Variants in MEGF6 observed in about 807,000 individuals in gnomAD.
MEGF6 encodes the protein multiple EGF like domains 6.
MEGF6 carries 184 observed loss-of-function variants against 207.1 expected under a neutral mutation model. The observed-to-expected ratio is 0.89, with a 90% confidence interval of 0.79 to 1.00. The LOEUF is 1.00. Ranked by LOEUF, MEGF6 falls within the 50% of genes least tolerant of loss-of-function variation. The pLI, the probability that MEGF6 is intolerant of heterozygous loss-of-function variation, is 0.00. For missense variants in MEGF6, 2,282 were observed against 2,202.9 expected, an observed-to-expected ratio of 1.04 and a Z score of -0.72; for synonymous variants, 1,038 against 910.0, an observed-to-expected ratio of 1.14 and a Z score of -2.53.
chr1:3,495,958 G>GC lies in MEGF6; in HGVS notation c.3802dup (p.Ala1268GlyfsTer22). 2 of 1,583,930 alleles carry GC rather than the reference G, an allele frequency of 1.3e-6. No individual in the cohort carries two copies. Among genetic ancestry groups the GC allele is most frequent in the Non-Finnish European group, 1.7e-6 (2 of 1,172,596 alleles). ...GGTGCCGGTCACAGGGTCGCAGGCCGCCCCCTGCCCACACCCACACACGTG... is the reference window on the plus strand; with the variant it reads ...GGTGCCGGTCACAGGGTCGCAGGCCGCCCCCCTGCCCACACCCACACACGTG... On this transcript the variant is annotated frameshift_variant, in exon 30 of 37. Transcript: ENST00000356575. LOFTEE classifies it high-confidence loss of function.
chr1:3,519,346 C>G (rs1641656713), intron 5 of MEGF6, among the ~76,000 whole-genome samples: 1 of 152,254 alleles, frequency 6.6e-6, no homozygotes, highest in South Asian at 2.1e-4. Context: ...GAGTGGCAGG[C>G]AGCAGCTGGA....
chr1:3,522,718 C>T (rs1292748602), intron 5 of MEGF6, among the ~76,000 whole-genome samples: 2 of 152,052 alleles, frequency 1.3e-5, no homozygotes, highest in Non-Finnish European at 2.9e-5. Context: ...CCAAGGCCCC[C>T]CCACTCACAG....
Position 3,498,683 on chromosome 1 carries a change from C to A in MEGF6, c.3223+15G>T. ...CATGCTGGGGTATGTCCCTCCTCTG[C>A]CGCCCAGCGCTCACCCTTCTCACAG... On this transcript the variant is annotated intron_variant, in intron 25 of 36. Coordinates refer to ENST00000356575, the MANE Select transcript of MEGF6 (RefSeq NM_001409.4). The A allele has an allele frequency of 6.5e-7, 1 of 1,547,700 alleles. No individual in the cohort carries two copies. Among genetic ancestry groups the A allele is most frequent in the Non-Finnish European group, 8.7e-7 (1 of 1,147,242 alleles).
In MEGF6 at chr1:3,500,726, G is replaced by A. The variant is rs1390563230; in HGVS notation, c.2614C>T (p.Pro872Ser). ...CCGTGGCCAGCGCTGCAGTTGCAGG[G>A]GTGGCTGCAGTCAGGTCCCCAGTGC... is the stretch of plus-strand genomic sequence containing the variant. ...TGHWGPDCSH[P>S]CNCSAGHGSC... Residue 872 changes from proline (P) to serine (S), a missense_variant, in exon 21 of 37, where the codon CCC becomes TCC. Coordinates refer to ENST00000356575, the MANE Select transcript of MEGF6 (RefSeq NM_001409.4). The A allele has an allele frequency of 3.1e-6, 5 of 1,599,046 alleles. No homozygotes were observed. The highest frequency in any genetic ancestry group is 3.4e-6 in the Non-Finnish European group (4 of 1,173,388).
chr1:3,561,866 AG>A (rs929107753), intron 4 of MEGF6, among the ~76,000 whole-genome samples: 21 of 152,236 alleles, frequency 1.4e-4, no homozygotes, highest in African/African-American at 5.1e-4. Flanking sequence ...AAAACGTGGG[AG>A]GGGGCTTTTC....
intron 21 of MEGF6, 73 bp downstream of exon 21, chr1:3,500,560 T>TGTGTGCGC (rs1259543397): frequency 3.5e-5 from 51 of 1,474,654 alleles, no homozygotes; most frequent in Non-Finnish European, 4.3e-5. Flanking sequence ...AGGCTTTGTG[T>TGTGTGCGC]GTGTGCACGT....
intron 26 of MEGF6, chr1:3,497,667 C>T (rs548822262): frequency 3.6e-6 from 2 of 557,300 alleles, no homozygotes; most frequent in East Asian, 3.9e-5. Flanking sequence ...CCTCTGGCAG[C>T]CCCGCCCCAT....
rs772012490 is a variant in MEGF6 at position 3,514,542 on chromosome 1, C to T, written c.853+8G>A. ...TGGGCGGGGCGGAGCAGGGGAGGGG[C>T]GTCCTACCTTCACAGGCCTTGCCGT... On this transcript the variant is annotated splice_region_variant and intron_variant, in intron 7 of 36. Transcript: ENST00000356575. The T allele has an allele frequency of 4.2e-5, 67 of 1,587,708 alleles. 1 individual carries two copies. The highest frequency in any genetic ancestry group is 1.4e-4 in the South Asian group (12 of 88,004).
At chr1:3,539,366 G>A (rs1170500770) in intron 4 of MEGF6, among the ~76,000 whole-genome samples, 1 of 152,056 alleles carries the variant, frequency 6.6e-6, no homozygotes, top group Admixed American at 6.6e-5. Flanking sequence ...TAAAAGTAGA[G>A]GGAACACGAC....
chr1:3,510,901 ATC>A lies in MEGF6; in HGVS notation c.1115-1_1115del. On this transcript the variant is annotated splice_acceptor_variant and coding_sequence_variant, in exon 10 of 37. Coordinates refer to ENST00000356575, the MANE Select transcript of MEGF6 (RefSeq NM_001409.4). LOFTEE classifies it high-confidence loss of function. ...ACGGGCTGTCTGCACAGTCGTCGAC[ATC>A]TGTGGAGCACACGCCACGGGCCCCC... 1 of 1,602,142 alleles carries A rather than the reference ATC, an allele frequency of 6.2e-7. No homozygotes were observed. The highest frequency in any genetic ancestry group is 8.5e-7 in the Non-Finnish European group (1 of 1,171,382).
intron 17 of MEGF6, among the ~76,000 whole-genome samples, chr1:3,503,669 T>G (rs948635813): frequency 1.3e-5 from 2 of 151,340 alleles, no homozygotes; most frequent in Admixed American, 6.6e-5. Flanking sequence ...TGCATTCATG[T>G]GTATGTGTGT....
chr1:3,601,335 TG>T (rs1413002729), intron 2 of MEGF6, among the ~76,000 whole-genome samples: 2 of 152,264 alleles, frequency 1.3e-5, no homozygotes, highest in Non-Finnish European at 2.9e-5. Flanking sequence ...CCTGCATCCA[TG>T]CACGCATGAC....
At chr1:3,612,289 C>T (rs1644339205), upstream of MEGF6, among the ~76,000 whole-genome samples, 1 of 151,798 alleles carries the variant, frequency 6.6e-6, no homozygotes, top group Non-Finnish European at 1.5e-5. Context: ...TCTAGGGTGC[C>T]CATGGGCACA....
chr1:3,608,718 C>T (rs116692519), intron 1 of MEGF6, among the ~76,000 whole-genome samples: 2,820 of 152,284 alleles, frequency 0.019, 90 homozygotes, highest in African/African-American at 0.065. Context: ...GGTCCGAGCC[C>T]TGCGGGTCCA....
intron 1 of MEGF6, among the ~76,000 whole-genome samples, chr1:3,610,322 G>A (rs538922222): frequency 2.5e-4 from 38 of 152,364 alleles, no homozygotes; most frequent in African/African-American, 8.9e-4. Context: ...AGGCCCTGCT[G>A]GGGAGTGCTG....
intron 4 of MEGF6, among the ~76,000 whole-genome samples, chr1:3,575,946 T>C (rs1643629077): frequency 6.6e-6 from 1 of 152,174 alleles, no homozygotes; most frequent in African/African-American, 2.4e-5. Context: ...ACTCCGGGCC[T>C]CACCTACGTG....
At chr1:3,622,624 A>G in the MEGF6 span, among the ~76,000 whole-genome samples, 1 of 152,154 alleles carries the variant, frequency 6.6e-6, no homozygotes, top group Non-Finnish European at 1.5e-5. Flanking sequence ...GTGAAGATGG[A>G]GGCAGGGATG....
Position 3,498,478 on chromosome 1 carries a change from C to T in MEGF6, c.3245G>A (p.Arg1082Lys). Residue 1082 changes from arginine (R) to lysine (K), a missense_variant, in exon 26 of 37, where the codon AGA (arginine) becomes AAA (lysine). Physicochemically the swap from Arg to Lys is conservative, Grantham distance 26. Transcript: ENST00000356575. Reference sequence around the variant, plus strand: ...ACCGCCGCTGTGCCGGCAGCCAGCTCTGACGTCCCGGGGGAGGCACTCTAC... The same window carrying T: ...ACCGCCGCTGTGCCGGCAGCCAGCTTTGACGTCCCGGGGGAGGCACTCTAC... ...CEKECLPRDV[R>K]AGCRHSGGCL... 6.3e-7 allele frequency: 1 copy of T among 1,581,784 alleles called. No homozygotes were observed. Among genetic ancestry groups the T allele is most frequent in the Non-Finnish European group, 8.6e-7 (1 of 1,165,996 alleles).
chr1:3,587,902 G>C (rs1310475961), intron 3 of MEGF6, among the ~76,000 whole-genome samples: 4 of 97,246 alleles, frequency 4.1e-5, no homozygotes, highest in East Asian at 3.0e-4. Flanking sequence ...GGGGGCAGGA[G>C]TGGCCAGGAG....
Sources: allele counts gnomAD v4.1 joint callset (sites outside exome capture counted in the v4.1 genomes callset), GRCh38; gene constraint gnomAD v4.1.1; transcripts MANE v1.5; gene names NCBI Gene and HGNC (gene_info 2026-07-23, HGNC 2026-07-21).